The following INTS1 variants were observed in gnomAD, a reference collection of about 807,000 sequenced individuals.
INTS1 encodes the protein integrator complex subunit 1.
Under a neutral mutation model 241.6 loss-of-function variants are expected in INTS1, and 137 were observed. That is an observed-to-expected ratio of 0.57 (90% CI 0.49 to 0.65). The LOEUF (loss-of-function observed/expected upper bound fraction) is 0.65, where lower values mean the gene tolerates loss of function less well. Ranked by LOEUF, INTS1 falls within the 30% of genes least tolerant of loss-of-function variation. The pLI is 0.00. For synonymous variants in INTS1, 1,692 were observed against 1,337.8 expected (o/e 1.26, Z -5.78); for missense variants, 3,073 against 3,032.2 (o/e 1.01, Z -0.32).
At chr7:1,487,152 G>A in intron 20 of INTS1, 51 bp from the exon 21 acceptor site, 1 of 1,529,202 alleles carries the variant, frequency 6.5e-7, no homozygotes, top group Non-Finnish European at 8.8e-7. Flanking sequence ...CCCAACACCT[G>A]CCGCCAGCCC....
At chr7:1,472,565 G>A (rs942892733) in intron 43 of INTS1, among the ~76,000 whole-genome samples, 179 bp from the exon 44 acceptor site, 1 of 152,214 alleles carries the variant, frequency 6.6e-6, no homozygotes, top group Non-Finnish European at 1.5e-5. Context: ...TTTGGATCCG[G>A]CGCATGCACC....
At chr7:1,472,914 C>T (rs1781539866) in intron 43 of INTS1, among the ~76,000 whole-genome samples, 158 bp downstream of exon 43, 1 of 152,206 alleles carries the variant, frequency 6.6e-6, no homozygotes. Flanking sequence ...TGCTTCGTCC[C>T]CTTGAGGTGG....
intron 11 of INTS1, among the ~76,000 whole-genome samples, chr7:1,496,676 A>C (rs1782876083): frequency 6.6e-6 from 1 of 152,152 alleles, no homozygotes; most frequent in Non-Finnish European, 1.5e-5. Context: ...GGTTCAGTCA[A>C]CAGAGATCCA....
In INTS1 at chr7:1,477,681, G is replaced by A. The variant is rs1414439922; in HGVS notation, c.4815-8C>T. ...AGCCGCACGGCCTCCAGGCTGCAGG[G>A]AGAAGGTGGCTCAGGGAAGGGCTGG... On this transcript the variant is annotated splice_polypyrimidine_tract_variant and splice_region_variant and intron_variant, in intron 34 of 47. Coordinates refer to ENST00000404767, the MANE Select transcript of INTS1 (RefSeq NM_001080453.3). The A allele has an allele frequency of 4.4e-6, 7 of 1,599,074 alleles. No homozygotes were observed. In the Admixed American group the frequency reaches 1.2e-4, roughly 27 times the overall value.
intron 41 of INTS1, 73 bp from the exon 42 acceptor site, chr7:1,473,766 C>T (rs889502581): frequency 8.3e-5 from 130 of 1,574,102 alleles, no homozygotes; most frequent in Non-Finnish European, 1.1e-4. Context: ...CTCCCATCTG[C>T]TCCCAGAGCC....
In INTS1 at chr7:1,498,430, G is replaced by C. The variant is rs184457271; in HGVS notation, c.1407C>G (p.Ser469Arg). The change falls in exon 10 of 48, where the codon AGC becomes AGG. Residue 469 changes from serine (S) to arginine (R), a missense_variant. Ser to Arg is a moderately radical substitution (Grantham distance 110). Coordinates refer to ENST00000404767, the MANE Select transcript of INTS1 (RefSeq NM_001080453.3). ...GGCCTACCTTGGGCGCCAGCTCTGA[G>C]CTGTGCTGCAGTGCGGTATAGAGGA... ...MQVLYTALQH[S>R]SELAPKFLAM... The C allele has an allele frequency of 1.9e-6, 3 of 1,613,816 alleles. No homozygotes were observed. The highest frequency in any genetic ancestry group is 2.7e-5 in the African/African-American group (2 of 75,044).
Position 1,497,341 on chromosome 7 carries a change from G to C in INTS1, c.1426-27C>G. 6.2e-7 allele frequency: 1 copy of C among 1,601,542 alleles called. No individual in the cohort carries two copies. Among genetic ancestry groups the C allele is most frequent in the South Asian group, 1.1e-5 (1 of 89,100 alleles). On this transcript the variant is annotated intron_variant, in intron 10 of 47. Transcript: ENST00000404767. This position sits in a 1 kb window ranked among gnomAD's most constrained non-coding sequence, Gnocchi z 5.3. ...TGGGGCAGAGAGAGGCCGCGTGGGA[G>C]GCTGCCCGACAGTGCTGTCCCTGTC...
chr7:1,495,987 G>A (rs1222744934), intron 12 of INTS1, among the ~76,000 whole-genome samples, 169 bp downstream of exon 12: 2 of 152,226 alleles, frequency 1.3e-5, no homozygotes, highest in Non-Finnish European at 2.9e-5. Context: ...AGGCCCGGAT[G>A]GACAGGAACG....
At chr7:1,494,966 G>C in intron 13 of INTS1, 73 bp from the exon 14 acceptor site, 2 of 1,518,670 alleles carry the variant, frequency 1.3e-6, no homozygotes, top group Non-Finnish European at 1.8e-6. Context: ...TCCAGGGAAG[G>C]GACCCCGCTC....
At position 1,499,988 on chromosome 7, in the gene INTS1, T is replaced by C. The variant is rs769356205; in HGVS notation, c.580A>G (p.Ile194Val). Residue 194 changes from isoleucine (I) to valine (V), a missense_variant, in exon 5 of 48, where the codon ATC (isoleucine) becomes GTC (valine). Coordinates refer to ENST00000404767, the MANE Select transcript of INTS1 (RefSeq NM_001080453.3). ...CTGTTCCCCTTGGCCTTGAAGTTGA[T>C]GGAGGCGTCCCGCCGCAGGAGGCTA... ...LCSLLRRDAS[I>V]NFKAKGNSLV... is the part of the protein sequence containing the mutation. 4 of 1,613,254 alleles carry C rather than the reference T, an allele frequency of 2.5e-6. No individual in the cohort carries two copies. Among genetic ancestry groups the C allele is most frequent in the South Asian group, 1.1e-5 (1 of 91,080 alleles).
At position 1,472,373 on chromosome 7, in the gene INTS1, G is replaced by A. The variant is rs749746699; in HGVS notation, c.6084C>T (p.Ala2028=). The A allele has an allele frequency of 1.3e-5, 21 of 1,556,826 alleles. No homozygotes were observed. The highest frequency in any genetic ancestry group is 6.8e-5 in the African/African-American group (5 of 73,844). Residue 2028 remains alanine (A), a synonymous_variant, in exon 44 of 48, where the codon GCC becomes GCT. Coordinates refer to ENST00000404767, the MANE Select transcript of INTS1 (RefSeq NM_001080453.3). Reference sequence around the variant, plus strand: ...AGACGCTGACCAGGGGCAAGGAGCCGGCTGAGCTCTCCTCTGGAAGACAGT... The same window carrying A: ...AGACGCTGACCAGGGGCAAGGAGCCAGCTGAGCTCTCCTCTGGAAGACAGT... ...LDEEGEEESS[A]GSLPLVSVSL...
chr7:1,503,801 G>C (rs974190881), intron 2 of INTS1, 102 bp downstream of exon 2: 2 of 844,208 alleles, frequency 2.4e-6, no homozygotes, highest in East Asian at 6.1e-5. Flanking sequence ...CGCGGCTGCG[G>C]AACAACCAAG....
At position 1,481,001 on chromosome 7, in the gene INTS1, C is replaced by A. The variant is rs1462022260; in HGVS notation, c.3851-68G>T. Reference sequence around the variant, plus strand: ...CAGGGAGCAGGTCCTTCCCTCTCCACAGAAACCAGAGTTGGAGATGCCCCC... The same window carrying A: ...CAGGGAGCAGGTCCTTCCCTCTCCAAAGAAACCAGAGTTGGAGATGCCCCC... On this transcript the variant is annotated intron_variant, in intron 28 of 47. Transcript: ENST00000404767. This position sits in a 1 kb window ranked among gnomAD's most constrained non-coding sequence, Gnocchi z 6.8. 1.6e-5 allele frequency: 19 copies of A among 1,191,096 alleles called. No individual in the cohort carries two copies. In the Admixed American group the frequency reaches 2.3e-4, roughly 15 times the overall value. The allele number at this position is 1,191,096 out of a possible 1,614,324, so 73.8% of individuals were successfully genotyped here. A position where few individuals can be genotyped will look rare whatever the true frequency, so the allele number is the denominator to read the frequency against.
At chr7:1,479,757 C>G in intron 30 of INTS1, 73 bp from the exon 31 acceptor site, 2 of 1,399,852 alleles carry the variant, frequency 1.4e-6, no homozygotes, top group Non-Finnish European at 1.9e-6. Flanking sequence ...AGGCTAAGCG[C>G]CCGGTGCAGC....
intron 3 of INTS1, among the ~76,000 whole-genome samples, chr7:1,501,623 A>G (rs1452595054): frequency 2.0e-5 from 3 of 152,164 alleles, no homozygotes; most frequent in Non-Finnish European, 2.9e-5. Context: ...TAAATAAAGC[A>G]CCGAGCCGCC....
At chr7:1,488,373 G>A (rs547672703) in intron 18 of INTS1, among the ~76,000 whole-genome samples, 7 of 152,284 alleles carry the variant, frequency 4.6e-5, no homozygotes, top group South Asian at 2.1e-4. Context: ...AGAGGCACAC[G>A]TGGCTTCGGC....
intron 5 of INTS1, 59 bp downstream of exon 5, chr7:1,499,825 G>T: frequency 6.4e-7 from 1 of 1,559,490 alleles, no homozygotes; most frequent in Non-Finnish European, 8.7e-7. Context: ...CTTTTCTCTC[G>T]CCCCTGCCCC....
rs1250589829 is a variant in INTS1 at position 1,478,347 on chromosome 7, G to A, written c.4630+19C>T. 1 of 1,609,620 alleles carries A rather than the reference G, an allele frequency of 6.2e-7. No individual in the cohort carries two copies. The highest frequency in any genetic ancestry group is 8.5e-7 in the Non-Finnish European group (1 of 1,177,344). On this transcript the variant is annotated intron_variant, in intron 33 of 47. Coordinates refer to ENST00000404767, the MANE Select transcript of INTS1 (RefSeq NM_001080453.3). ...TCCCAGGGCCGCCGTGGCCCAAGAG[G>A]ATGGTGCCAGGAAGGTACCTTTGCT...
intron 1 of INTS1, 28 bp from the exon 2 acceptor site, chr7:1,504,029 C>T (rs751085909): frequency 2.1e-5 from 25 of 1,170,070 alleles, no homozygotes; most frequent in Non-Finnish European, 3.0e-5. Flanking sequence ...TGCGGTCATT[C>T]CTTCACTCAT....
Sources: gnomAD v4.1 joint callset for allele counts (sites outside exome capture counted in the v4.1 genomes callset) on GRCh38, gnomAD v4.1.1 for gene constraint, Gnocchi (gnomAD v3.1) non-coding constraint, MANE v1.5 for transcripts, NCBI Gene and HGNC (gene_info 2026-07-23, HGNC 2026-07-21) for gene names.